The following OVCH1 variants were observed in gnomAD, a reference collection of about 807,000 sequenced individuals.
The protein encoded by OVCH1 is ovochymase 1, also known as ovochymase-1.
A neutral mutation model predicts 138.4 loss-of-function variants in OVCH1; 139 were observed. The observed-to-expected ratio is 1.00, with a 90% CI of 0.87 to 1.16. OVCH1 has a LOEUF of 1.16. Among genes scored for constraint, OVCH1 ranks in the 50% most tolerant of loss-of-function variants. OVCH1 has a pLI of 0.00. For synonymous variants in OVCH1, 453 were observed against 467.8 expected (o/e 0.97, Z 0.41); for missense variants, 1,367 against 1,357.9 (o/e 1.01, Z -0.11).
chr12:29,437,130 C>T (rs1461276190), intron 26 of OVCH1, among the ~76,000 whole-genome samples: 1 of 152,118 alleles, frequency 6.6e-6, no homozygotes, highest in Non-Finnish European at 1.5e-5. Context: ...AAACCTTTAG[C>T]TAGACACAGT....
chr12:29,447,486 A>T (rs74377489), intron 22 of OVCH1, among the ~76,000 whole-genome samples: 1,893 of 152,252 alleles, frequency 0.012, 35 homozygotes, highest in African/African-American at 0.043. Context: ...AAACAAACTC[A>T]GCAAAAATTC....
chr12:29,446,433 A>G (rs1316968981), intron 22 of OVCH1, among the ~76,000 whole-genome samples: 1 of 152,184 alleles, frequency 6.6e-6, no homozygotes, highest in Non-Finnish European at 1.5e-5. Flanking sequence ...ACAGGAAGAA[A>G]TATAGCATTT....
chr12:29,436,558 C>CA (rs1284047486), intron 26 of OVCH1, among the ~76,000 whole-genome samples: 1 of 152,166 alleles, frequency 6.6e-6, no homozygotes, highest in East Asian at 1.9e-4. Context: ...TTGCTGACTT[C>CA]AAGAATGAAG....
downstream of OVCH1, among the ~76,000 whole-genome samples, chr12:29,410,208 C>T (rs1019252923): frequency 2.8e-5 from 4 of 141,330 alleles, no homozygotes; most frequent in South Asian, 2.3e-4. Flanking sequence ...TGTGTCTCTG[C>T]GTGTGAGATG....
At chr12:29,434,528 A>C (rs1477737139) in intron 26 of OVCH1, among the ~76,000 whole-genome samples, 1 of 152,180 alleles carries the variant, frequency 6.6e-6, no homozygotes, top group Non-Finnish European at 1.5e-5. Context: ...AAAAACATAC[A>C]TATGGAACAA....
At chr12:29,459,021 C>T (rs985141671) in intron 19 of OVCH1, among the ~76,000 whole-genome samples, 11 of 151,596 alleles carry the variant, frequency 7.3e-5, no homozygotes, top group Non-Finnish European at 1.3e-4. Flanking sequence ...AAAGGGAACC[C>T]ATGTACATTA....
chr12:29,475,473 TAA>T (rs113136129), intron 13 of OVCH1, among the ~76,000 whole-genome samples: 1 of 147,364 alleles, frequency 6.8e-6, no homozygotes, highest in Non-Finnish European at 1.5e-5. Context: ...GAGGTAGGTT[TAA>T]AAAAAAAAAC....
chr12:29,416,547 T>C (rs1175944305), intron 3 of OVCH1, among the ~76,000 whole-genome samples: 2 of 152,064 alleles, frequency 1.3e-5, no homozygotes, highest in African/African-American at 4.8e-5. Flanking sequence ...AGTAAGTAAA[T>C]GAAACATTGT....
chr12:29,487,010 T>C, intron 7 of OVCH1: 1 of 438,988 alleles, frequency 2.3e-6, no homozygotes. Flanking sequence ...TGCTGGCCTG[T>C]GGTAGGATCC....
At chr12:29,452,550 A>G (rs1051885349) in intron 21 of OVCH1, among the ~76,000 whole-genome samples, 1 of 152,138 alleles carries the variant, frequency 6.6e-6, no homozygotes, top group Non-Finnish European at 1.5e-5. Context: ...GGAATGGTGT[A>G]TAAAACAAAA....
intron 12 of OVCH1, 34 bp from the exon 13 acceptor site, chr12:29,476,333 C>A: frequency 6.5e-7 from 1 of 1,530,796 alleles, no homozygotes. Context: ...GGGAAATGGT[C>A]AAAGAAGAGA....
At chr12:29,436,937 T>G (rs1485538728) in intron 26 of OVCH1, among the ~76,000 whole-genome samples, 1 of 152,230 alleles carries the variant, frequency 6.6e-6, no homozygotes, top group East Asian at 1.9e-4. Context: ...TTGCTGCTGC[T>G]GGCCCCGGTG....
At position 29,496,684 on chromosome 12, in the gene OVCH1, A is replaced by C. The variant is rs764531723; in HGVS notation, c.65-10T>G. The stretch of plus-strand genomic sequence containing the variant: ...ATTCCACACTTCAGTCCTGTGTAGA[A>C]GAGCATGTGTGTGTGCACACACAGA... On this transcript the variant is annotated splice_polypyrimidine_tract_variant and intron_variant, in intron 1 of 27. Transcript: ENST00000318184. 6.3e-7 allele frequency: 1 copy of C among 1,586,294 alleles called. No individual in the cohort carries two copies. Among genetic ancestry groups the C allele is most frequent in the Non-Finnish European group, 8.6e-7 (1 of 1,157,718 alleles).
intron 26 of OVCH1, among the ~76,000 whole-genome samples, chr12:29,435,628 A>G (rs1941345190): frequency 6.6e-6 from 1 of 152,180 alleles, no homozygotes; most frequent in Non-Finnish European, 1.5e-5. Flanking sequence ...TGCTGGGATT[A>G]CAGGCATGAG....
exon 13 of OVCH1, chr12:29,476,267 A>T (rs1207645179): frequency 6.2e-7 from 1 of 1,613,620 alleles, no homozygotes; most frequent in Admixed American, 1.7e-5. Flanking sequence ...TACAGTTTGG[A>T]CTAAATTTGA....
exon 16 of OVCH1, chr12:29,471,848 T>A (rs201981706): frequency 6.2e-7 from 1 of 1,612,876 alleles, no homozygotes; most frequent in East Asian, 2.2e-5. Flanking sequence ...GGGTTGATGA[T>A]GGCACCTCCA....
At chr12:29,463,289 T>C (rs541562446) in intron 18 of OVCH1, among the ~76,000 whole-genome samples, 2 of 152,248 alleles carry the variant, frequency 1.3e-5, no homozygotes, top group African/African-American at 4.8e-5. Context: ...GCTGCAGCAA[T>C]GTGGGCCACG....
chr12:29,496,251 AGTG>A (rs1401040146), exon 3 of OVCH1: 6 of 1,607,870 alleles, frequency 3.7e-6, no homozygotes, highest in Non-Finnish European at 5.1e-6. Flanking sequence ...CCTCCACAGA[AGTG>A]GTGCTCATCT....
chr12:29,439,194 C>CTAGAAGCTCAAAGTCCTTTGCCTT, intron 26 of OVCH1: 1 of 721,440 alleles, frequency 1.4e-6, no homozygotes, highest in African/African-American at 1.8e-5. Context: ...TATGCCACCC[C>CTAGAAGCTCAAAGTCCTTTGCCTT]TAGAAGCTCA....
Sources: gnomAD v4.1 joint callset for allele counts (sites outside exome capture counted in the v4.1 genomes callset) on GRCh38, gnomAD v4.1.1 for gene constraint, MANE v1.5 for transcripts, NCBI Gene and HGNC (gene_info 2026-07-23, HGNC 2026-07-21) for gene names.